MMUT: variants seen among roughly 807,000 people sequenced by gnomAD.
MMUT encodes the protein methylmalonyl-CoA mutase, also known as methylmalonyl-CoA mutase, mitochondrial.
Under a neutral mutation model 79.9 loss-of-function variants are expected in MMUT, and 79 were observed. That is an observed-to-expected ratio of 0.99 (90% CI 0.82 to 1.19). MMUT has a LOEUF of 1.19. Ranked by LOEUF, MMUT falls within the 50% of genes most tolerant of loss-of-function variation. The pLI is 0.00. For missense variants in MMUT, 860 were observed against 917.2 expected (o/e 0.94, Z 0.81); for synonymous variants, 273 against 295.7 (o/e 0.92, Z 0.79).
chr6:49,445,346 A>G (rs1197287998), intron 8 of MMUT, among the ~76,000 whole-genome samples: 2 of 152,104 alleles, frequency 1.3e-5, no homozygotes, highest in African/African-American at 4.8e-5. Flanking sequence ...ATTTGTCAAA[A>G]TAAAGTTGCA....
Position 49,459,175 on chromosome 6 carries a change from T to G in MMUT, c.292A>C (p.Thr98Pro), listed in dbSNP as rs754740382. 4.3e-6 allele frequency: 7 copies of G among 1,614,146 alleles called. No homozygotes were observed. The highest frequency in any genetic ancestry group is 1.3e-5 in the African/African-American group (1 of 75,046). Residue 98 changes from threonine (T) to proline (P), a missense_variant, in exon 2 of 13, where the codon ACC (threonine) becomes CCC (proline). Thr to Pro is a conservative substitution (Grantham distance 38). Coordinates refer to ENST00000274813, the MANE Select transcript of MMUT (RefSeq NM_000255.4). Reference sequence around the variant, plus strand: ...GTCCAGGGCCTAAAGGTATACATGGTAGGATATGGTCCACGTGTGAATGGC... The same window carrying G: ...GTCCAGGGCCTAAAGGTATACATGGGAGGATATGGTCCACGTGTGAATGGC... The part of the protein sequence containing the change: ...VKPFTRGPYP[T>P]MYTFRPWTIR...
chr6:49,461,418 G>A (rs556216223), intron 1 of MMUT, among the ~76,000 whole-genome samples: 4 of 152,286 alleles, frequency 2.6e-5, no homozygotes, highest in African/African-American at 9.6e-5. Context: ...ACACGTAATT[G>A]TAAGTGCAAC....
At chr6:49,432,157 A>T (rs1766995967) in intron 12 of MMUT, among the ~76,000 whole-genome samples, 1 of 152,118 alleles carries the variant, frequency 6.6e-6, no homozygotes, top group South Asian at 2.1e-4. Flanking sequence ...CTTAAGCCAT[A>T]ATTTTCTCTC....
At position 49,455,944 on chromosome 6, in the gene MMUT, C is replaced by T. The variant is rs1009096732; in HGVS notation, c.911+136G>A. On this transcript the variant is annotated intron_variant, in intron 4 of 12. Coordinates refer to ENST00000274813, the MANE Select transcript of MMUT (RefSeq NM_000255.4). ...TATTAGAAATATTGGCTTTTTCTCT[C>T]ATTATCACTCAGATAAAATATAAGA... 2.1e-4 allele frequency: 164 copies of T among 777,052 alleles called. 1 individual carries two copies. The highest frequency in any genetic ancestry group is 1.0e-5 in the Non-Finnish European group (5 of 501,220). 48.1% of individuals were successfully genotyped at this position (777,052 alleles called of 1,614,324 possible).
chr6:49,449,825 AAAT>A (rs1767503383), intron 6 of MMUT, among the ~76,000 whole-genome samples: 1 of 152,210 alleles, frequency 6.6e-6, no homozygotes, highest in Non-Finnish European at 1.5e-5. Context: ...TAGAAAACAA[AAAT>A]GAGCTCTACG....
intron 1 of MMUT, among the ~76,000 whole-genome samples, 159 bp downstream of exon 1, chr6:49,462,944 G>A (rs1384923334): frequency 6.6e-6 from 1 of 152,194 alleles, no homozygotes; most frequent in Non-Finnish European, 1.5e-5. Context: ...TAAACCTAAG[G>A]AGAAGGCAGA....
intron 5 of MMUT, 102 bp from the exon 6 acceptor site, chr6:49,451,816 T>C (rs1307267055): frequency 2.4e-6 from 3 of 1,254,418 alleles, no homozygotes; most frequent in African/African-American, 1.5e-5. Context: ...ATATTTTCTA[T>C]GTCAATTTCC....
At chr6:49,435,339 G>T in intron 12 of MMUT, 117 bp downstream of exon 12, 2 of 1,076,584 alleles carry the variant, frequency 1.9e-6, no homozygotes, top group Non-Finnish European at 1.4e-6. Context: ...TTTATTTAGT[G>T]AAATCACCAG....
intron 11 of MMUT, among the ~76,000 whole-genome samples, chr6:49,437,724 C>A (rs536833667): frequency 6.6e-6 from 1 of 152,070 alleles, no homozygotes; most frequent in South Asian, 2.1e-4. Context: ...TCTCTTGAGA[C>A]CCTGACATTG....
chr6:49,432,340 T>C (rs938222471), intron 12 of MMUT, among the ~76,000 whole-genome samples: 8 of 152,182 alleles, frequency 5.3e-5, no homozygotes, highest in African/African-American at 1.9e-4. Flanking sequence ...CCATTTTTTT[T>C]TTCATTCTCT....
At position 49,451,507 on chromosome 6, in the gene MMUT, T is replaced by G. The variant is rs1319150004; in HGVS notation, c.1291A>C (p.Met431Leu). Residue 431 changes from methionine to leucine, a missense_variant, in exon 6 of 13, where the codon ATG (methionine) becomes CTG (leucine). Physicochemically the swap from Met to Leu is conservative, Grantham distance 15. Coordinates refer to ENST00000274813, the MANE Select transcript of MMUT (RefSeq NM_000255.4). ...TAAACATCATTTGTGAGACATTCCA[T>G]CATGTAAGAACCTCCCCAAGGATCA... is the stretch of plus-strand genomic sequence containing the variant. ...VADPWGGSYM[M>L]ECLTNDVYDA... The G allele has an allele frequency of 1.2e-6, 2 of 1,614,112 alleles. No individual in the cohort carries two copies. The highest frequency in any genetic ancestry group is 1.7e-6 in the Non-Finnish European group (2 of 1,180,004).
intron 9 of MMUT, 76 bp from the exon 10 acceptor site, chr6:49,442,047 T>C (rs1313897505): frequency 7.1e-7 from 1 of 1,418,356 alleles, no homozygotes; most frequent in Non-Finnish European, 9.8e-7. Flanking sequence ...ATATTCAATA[T>C]AATTAAACAT....
intron 8 of MMUT, among the ~76,000 whole-genome samples, chr6:49,447,201 T>C (rs897813478): frequency 6.6e-6 from 1 of 151,856 alleles, no homozygotes. Context: ...ATTTTAAAAA[T>C]CAAAAAGCAA....
chr6:49,448,650 G>A (rs528111184), intron 7 of MMUT, among the ~76,000 whole-genome samples, 166 bp downstream of exon 7: 53 of 152,182 alleles, frequency 3.5e-4, no homozygotes, highest in African/African-American at 1.2e-3. Flanking sequence ...GTGCATCCAT[G>A]TATGTGAAAA....
chr6:49,439,516 C>T (rs1767215614), intron 11 of MMUT, among the ~76,000 whole-genome samples: 1 of 152,126 alleles, frequency 6.6e-6, no homozygotes, highest in South Asian at 2.1e-4. Context: ...GCAGAGCCTT[C>T]TCCTATTCTG....
intron 8 of MMUT, 81 bp downstream of exon 8, chr6:49,447,589 A>C (rs1322568375): frequency 1.3e-6 from 1 of 793,512 alleles, no homozygotes; most frequent in Non-Finnish European, 2.2e-6. Context: ...GATTAATTTA[A>C]GCAGGACAGT....
intron 7 of MMUT, among the ~76,000 whole-genome samples, chr6:49,448,059 T>C (rs952100935): frequency 5.9e-5 from 9 of 151,914 alleles, no homozygotes; most frequent in African/African-American, 1.9e-4. Flanking sequence ...CTTTTAACAC[T>C]TCGAAATAAC....
chr6:49,452,883 T>A (rs1163776923), intron 5 of MMUT, among the ~76,000 whole-genome samples: 1 of 152,068 alleles, frequency 6.6e-6, no homozygotes, highest in Non-Finnish European at 1.5e-5. Flanking sequence ...CTTGCTTAAA[T>A]ACATAACTTT....
At chr6:49,449,949 C>T (rs1767506997) in intron 6 of MMUT, among the ~76,000 whole-genome samples, 1 of 151,660 alleles carries the variant, frequency 6.6e-6, no homozygotes, top group Non-Finnish European at 1.5e-5. Flanking sequence ...AAGATAAGAG[C>T]AGGCAGGGAG....
Sources: allele counts gnomAD v4.1 joint callset (sites outside exome capture counted in the v4.1 genomes callset), GRCh38; gene constraint gnomAD v4.1.1; transcripts MANE v1.5; gene names NCBI Gene and HGNC (gene_info 2026-07-23, HGNC 2026-07-21).